CCNH: variants seen among roughly 807,000 people sequenced by gnomAD.
The protein encoded by CCNH is cyclin-H.
Under a neutral mutation model 41.9 loss-of-function variants are expected in CCNH, and 31 were observed. The ratio of observed to expected loss-of-function variants is 0.74; its 90% CI spans 0.56 to 1.00. CCNH has a LOEUF of 1.00. CCNH is among the 50% of genes least tolerant of loss of function. The pLI is 0.00. For missense variants in CCNH, 362 were observed against 388.4 expected (o/e 0.93, Z 0.57); for synonymous variants, 138 against 136.1 (o/e 1.01, Z -0.10).
intron 9 of CCNH, among the ~76,000 whole-genome samples, chr5:87,345,341 C>T (rs986555282): frequency 6.6e-6 from 1 of 152,158 alleles, no homozygotes; most frequent in Non-Finnish European, 1.5e-5. Flanking sequence ...AACCCTATCA[C>T]TTTTTTACCC....
At chr5:87,388,750 G>T (rs987452346), downstream of CCNH, among the ~76,000 whole-genome samples, 1 of 152,136 alleles carries the variant, frequency 6.6e-6, no homozygotes, top group African/African-American at 2.4e-5. Flanking sequence ...TCATAGTGCA[G>T]TTCCTACTTA....
chr5:87,374,134 T>C, downstream of CCNH: 2 of 1,129,688 alleles, frequency 1.8e-6, no homozygotes, highest in Non-Finnish European at 1.1e-6. Flanking sequence ...TCTGGGGTAA[T>C]ATATATATAT....
In CCNH at chr5:87,332,569, T is replaced by C; in HGVS notation, c.*91-13672A>G. 1 of 1,607,968 alleles carries C rather than the reference T, an allele frequency of 6.2e-7. No individual in the cohort carries two copies. The highest frequency in any genetic ancestry group is 8.5e-7 in the Non-Finnish European group (1 of 1,174,716). ...AGACGTTTTTCTTCACTGTCAGACC[T>C]AATAGGTTATTACAGTCATGTTTCT... On this transcript the variant is annotated intron_variant and NMD_transcript_variant, in intron 9 of 9. Coordinates refer to the CCNH transcript ENST00000645953.
At chr5:87,349,281 C>T (rs1417742842) in intron 9 of CCNH, 1 of 1,612,028 alleles carries the variant, frequency 6.2e-7, no homozygotes, top group Non-Finnish European at 8.5e-7. Context: ...CACTTTATTT[C>T]CGGACCAATG....
chr5:87,323,666 A>G (rs1756993895), intron 9 of CCNH, among the ~76,000 whole-genome samples: 1 of 152,268 alleles, frequency 6.6e-6, no homozygotes, highest in Non-Finnish European at 1.5e-5. Flanking sequence ...AGTATATTGT[A>G]AAGAATGTTT....
rs1764197707 is a variant in CCNH at position 87,411,076 on chromosome 5, C to CAA, written c.240+147_240+148insTT. On this transcript the variant is annotated intron_variant, in intron 2 of 8. Transcript: ENST00000256897. Reference sequence around the variant, plus strand: ...TGATACAGCAACTCATGATTTAAGGCCTGTATTGAAAAATATATAATGTGC... The same window carrying CAA: ...TGATACAGCAACTCATGATTTAAGGCAACTGTATTGAAAAATATATAATGTGC... 4 of 682,564 alleles carry CAA rather than the reference C, an allele frequency of 5.9e-6. No individual in the cohort carries two copies. In the African/African-American group the frequency reaches 7.4e-5, roughly 13 times the overall value. The allele number at this position is 682,564 out of a possible 1,614,324, so 42.3% of individuals were successfully genotyped here. A position where few individuals can be genotyped will look rare whatever the true frequency, so the allele number is the denominator to read the frequency against.
intron 9 of CCNH, chr5:87,349,407 T>C (rs1392290340): frequency 6.3e-7 from 1 of 1,599,144 alleles, no homozygotes; most frequent in East Asian, 2.2e-5. Flanking sequence ...TTCGCAAAAA[T>C]AGTTGAAATC....
downstream of CCNH, chr5:87,392,880 T>C (rs1252082387): frequency 6.6e-6 from 1 of 152,500 alleles, no homozygotes; most frequent in East Asian, 1.9e-4. Flanking sequence ...GTGTGGACCT[T>C]GCTCTGATGC....
intron 9 of CCNH, chr5:87,333,478 G>C: frequency 7.5e-7 from 1 of 1,339,340 alleles, no homozygotes; most frequent in Non-Finnish European, 1.0e-6. Context: ...TGGGTCTGTT[G>C]GTCCTGTATC....
chr5:87,341,468 T>A (rs1758451603), intron 9 of CCNH: 1 of 432,386 alleles, frequency 2.3e-6, no homozygotes, highest in African/African-American at 2.1e-5. Context: ...TTCTAAATAT[T>A]TTCTTAAGGA....
chr5:87,409,238 G>A, intron 3 of CCNH, 52 bp downstream of exon 3: 1 of 1,042,444 alleles, frequency 9.6e-7, no homozygotes, highest in Non-Finnish European at 1.4e-6. Flanking sequence ...ATACTCAAAA[G>A]ATTATAAAGG....
chr5:87,392,129 A>G (rs1762570764), downstream of CCNH: 1 of 394,710 alleles, frequency 2.5e-6, no homozygotes, highest in Non-Finnish European at 5.0e-6. Context: ...TAGATAGGAC[A>G]TATGGAACAT....
At chr5:87,390,674 A>G (rs1762446832), downstream of CCNH, 1 of 767,454 alleles carries the variant, frequency 1.3e-6, no homozygotes, top group Non-Finnish European at 2.3e-6. Flanking sequence ...TTATGTTTTG[A>G]GGGGAATTGT....
chr5:87,362,132 A>C (rs1760150495), intron 9 of CCNH, among the ~76,000 whole-genome samples: 1 of 152,200 alleles, frequency 6.6e-6, no homozygotes, highest in Non-Finnish European at 1.5e-5. Context: ...GTATTCACCT[A>C]GCATTTCTCA....
chr5:87,378,114 C>CT (rs1761447405), upstream of CCNH, among the ~76,000 whole-genome samples: 1 of 152,148 alleles, frequency 6.6e-6, no homozygotes, highest in Admixed American at 6.5e-5. Flanking sequence ...TCTAATTGAT[C>CT]TTAAGTCATA....
rs72783709 is a variant in CCNH, at chr5:87,361,123, T to G, written c.*90+31647A>C. On this transcript the variant is annotated intron_variant and NMD_transcript_variant, in intron 9 of 9. Coordinates refer to the CCNH transcript ENST00000645953. ...TGGCAAAAGTTTTCTGTAAAGGGTT[T>G]TGCAGTTCATTTAGTGTGTCCACTA... Among the ~76,000 whole-genome samples, 1,432 of 152,286 alleles carry G rather than the reference T, an allele frequency of 9.4e-3. 7 individuals carry two copies. The highest frequency in any genetic ancestry group is 0.012 in the Admixed American group (186 of 15,286).
At chr5:87,402,985 A>T (rs544833114) in intron 5 of CCNH, among the ~76,000 whole-genome samples, 1 of 152,348 alleles carries the variant, frequency 6.6e-6, no homozygotes, top group South Asian at 2.1e-4. Flanking sequence ...ACAGGCAATA[A>T]GAATACCTAA....
chr5:87,364,969 T>TGGGTGAAATGGATGTTGGAGA (rs1483251001), intron 9 of CCNH, among the ~76,000 whole-genome samples: 4 of 152,152 alleles, frequency 2.6e-5, no homozygotes, highest in African/African-American at 9.7e-5. Context: ...ACCATATGTA[T>TGGGTGAAATGGATGTTGGAGA]GGGTGAAATG....
At position 87,332,624 on chromosome 5, in the gene CCNH, C is replaced by T. The variant is rs748164164; in HGVS notation, c.*91-13727G>A. 3.7e-6 allele frequency: 6 copies of T among 1,610,140 alleles called. No individual in the cohort carries two copies. The highest frequency in any genetic ancestry group is 1.1e-5 in the South Asian group (1 of 90,894). ...TGCTTAAAGGAGAAAAATTACTTTA[C>T]CCAGTTGCACCACCAGAGGCAAGTA... On this transcript the variant is annotated intron_variant and NMD_transcript_variant, in intron 9 of 9. Transcript: ENST00000645953.
Sources: gnomAD v4.1 joint callset for allele counts (sites outside exome capture counted in the v4.1 genomes callset) on GRCh38, gnomAD v4.1.1 for gene constraint, MANE v1.5 for transcripts, NCBI Gene and HGNC (gene_info 2026-07-23, HGNC 2026-07-21) for gene names.